Variants in SPTA1 observed in about 807,000 individuals in gnomAD.
SPTA1 encodes the protein spectrin alpha chain, erythrocytic 1.
Under a neutral mutation model 324.7 loss-of-function variants are expected in SPTA1, and 177 were observed. The ratio of observed to expected loss-of-function variants is 0.55; its 90% CI spans 0.48 to 0.62. The LOEUF (loss-of-function observed/expected upper bound fraction) is 0.62. Ranked by LOEUF, SPTA1 falls within the 20% of genes least tolerant of loss-of-function variation. The pLI, the probability that SPTA1 is intolerant of heterozygous loss-of-function variation, is 0.00. For missense variants in SPTA1, 3,162 were observed against 2,883.6 expected, an observed-to-expected ratio of 1.10 and a Z score of -2.21; for synonymous variants, 1,195 against 1,041.3, an observed-to-expected ratio of 1.15 and a Z score of -2.84.
intron 20 of SPTA1, among the ~76,000 whole-genome samples, chr1:158,655,649 C>G (rs774128845): frequency 1.6e-4 from 24 of 152,174 alleles, no homozygotes; most frequent in Non-Finnish European, 2.6e-4. Context: ...TTTGTTTACT[C>G]TGAATGTGTG....
At chr1:158,664,370 C>A (rs143709349) in intron 16 of SPTA1, among the ~76,000 whole-genome samples, 11,702 of 152,120 alleles carry the variant, frequency 0.077, 1,542 homozygotes, top group African/African-American at 0.27. Context: ...GAGTTCATGT[C>A]CTTTGCAGGG....
intron 44 of SPTA1, 69 bp from the exon 45 acceptor site, chr1:158,619,403 T>C: frequency 6.8e-7 from 1 of 1,472,766 alleles, no homozygotes. Context: ...AGAATTGGTT[T>C]GTAGGCTTAA....
At chr1:158,614,181 A>G in intron 49 of SPTA1, 72 bp downstream of exon 49, 1 of 1,214,954 alleles carries the variant, frequency 8.2e-7, no homozygotes, top group South Asian at 1.2e-5. Flanking sequence ...AGAGTGAGAG[A>G]AACATTATTT....
rs370498187 is a variant in SPTA1, at chr1:158,672,138, C to T, written c.1409G>A (p.Arg470His). Reference protein sequence around the residue: ...ALLELWDERHRQYEQCLDFHL... With the variant: ...ALLELWDERHHQYEQCLDFHL... ...AAAGTCCAAGCACTGCTCATACTGA[C>T]GATGACGCTCGTCCCACAGTTCCAG... The change falls in exon 11 of 52, where the codon CGT becomes CAT. Residue 470 changes from arginine to histidine, a missense_variant. Transcript: ENST00000643759. The T allele has an allele frequency of 2.6e-5, 42 of 1,613,966 alleles. No individual in the cohort carries two copies. Among genetic ancestry groups the T allele is most frequent in the East Asian group, 1.3e-4 (6 of 44,884 alleles).
chr1:158,671,917 CTTT>C, intron 11 of SPTA1, 139 bp downstream of exon 11: 1 of 1,060,674 alleles, frequency 9.4e-7, no homozygotes, highest in Non-Finnish European at 1.4e-6. Context: ...CCCATCTTTT[CTTT>C]TTCTTGTGGA....
intron 17 of SPTA1, among the ~76,000 whole-genome samples, chr1:158,661,636 A>G (rs1653225590): frequency 6.6e-6 from 1 of 152,196 alleles, no homozygotes; most frequent in Non-Finnish European, 1.5e-5. Context: ...TACAACAGAT[A>G]ATGAAAACAT....
chr1:158,684,310 T>G (rs938458779), intron 2 of SPTA1, among the ~76,000 whole-genome samples: 2 of 152,100 alleles, frequency 1.3e-5, no homozygotes, highest in Non-Finnish European at 2.9e-5. Flanking sequence ...AATTGGATTT[T>G]AGTTAACCTG....
intron 3 of SPTA1, among the ~76,000 whole-genome samples, chr1:158,682,462 A>T (rs2427800): frequency 0.97 from 147,082 of 152,246 alleles, 71,232 homozygotes; most frequent in East Asian, 1. Context: ...TACAAAAGTT[A>T]ATTATACTTT....
At chr1:158,612,366 C>T (rs1166109979) in intron 51 of SPTA1, 1 of 219,194 alleles carries the variant, frequency 4.6e-6, no homozygotes, top group East Asian at 1.2e-4. Context: ...GAGATTACTT[C>T]TGGTTGTAAT....
intron 42 of SPTA1, among the ~76,000 whole-genome samples, chr1:158,625,256 T>C (rs1295349585): frequency 6.6e-6 from 1 of 152,160 alleles, no homozygotes; most frequent in Admixed American, 6.5e-5. Context: ...AAAGTACACT[T>C]TAAATCAAGA....
chr1:158,617,905 T>C, intron 46 of SPTA1, 134 bp downstream of exon 46: 1 of 895,798 alleles, frequency 1.1e-6, no homozygotes. Context: ...GAGCTTTTCC[T>C]TCTCACTCCA....
intron 43 of SPTA1, chr1:158,620,846 A>C (rs1474927057): frequency 5.8e-6 from 1 of 172,996 alleles, no homozygotes; most frequent in Admixed American, 5.8e-5. Flanking sequence ...ACATGAAAAA[A>C]AAAAAAAAAA....
chr1:158,662,853 C>T lies in SPTA1; in HGVS notation c.2313G>A (p.Leu771=), dbSNP rs755002480. ...SKDIRARQES[L]VCRFEALKEP... ...CTTTCAGAGCTTCAAATCGGCATAC[C>T]AAGGACTCTTGCCTTGCCCTTATAT... Residue 771 remains leucine, a synonymous_variant, in exon 17 of 52, where the codon TTG becomes TTA. Transcript: ENST00000643759. 4.3e-6 allele frequency: 7 copies of T among 1,613,954 alleles called. No individual in the cohort carries two copies. The highest frequency in any genetic ancestry group is 1.3e-5 in the African/African-American group (1 of 74,894).
At chr1:158,634,032 C>G (rs541402850) in intron 39 of SPTA1, among the ~76,000 whole-genome samples, 1 of 152,284 alleles carries the variant, frequency 6.6e-6, no homozygotes, top group Admixed American at 6.5e-5. Flanking sequence ...CAAGATCACA[C>G]TGATTAATTG....
intron 3 of SPTA1, 146 bp from the exon 4 acceptor site, chr1:158,681,813 A>G: frequency 9.5e-7 from 1 of 1,051,684 alleles, no homozygotes. Flanking sequence ...AAAAGAGGAA[A>G]TAGGATAGAT....
In SPTA1 at chr1:158,612,556, G is replaced by GAA. The variant is rs1553222276; in HGVS notation, c.7134+260_7134+261insTT. 1.5e-5 allele frequency: 6 copies of GAA among 387,300 alleles called. No individual in the cohort carries two copies. In the Admixed American group the frequency reaches 1.7e-4, roughly 11 times the overall value. 24.0% of individuals were successfully genotyped at this position (387,300 alleles called of 1,614,324 possible). ...CAATAAATGCTCTTTGAATTAATGA[G>GAA]GAAAAAAAAAAGAAATAGCCTTAAA... is the stretch of plus-strand genomic sequence containing the variant. On this transcript the variant is annotated intron_variant, in intron 51 of 51. Coordinates refer to ENST00000643759, the MANE Select transcript of SPTA1 (RefSeq NM_003126.4).
chr1:158,617,585 T>C lies in SPTA1; in HGVS notation c.6552A>G (p.Ser2184=). 2.5e-6 allele frequency: 4 copies of C among 1,612,966 alleles called. No homozygotes were observed. Among genetic ancestry groups the C allele is most frequent in the Non-Finnish European group, 2.5e-6 (3 of 1,178,964 alleles). The change falls in exon 47 of 52, where the codon TCA becomes TCG. Residue 2184 remains serine (S), a synonymous_variant. Transcript: ENST00000643759. The stretch of plus-strand genomic sequence containing the variant: ...CCAGAGTTCCTGTTTCTTTGAGCAA[T>C]GATCTAGTTAAGAACCGAAGGAAAT... The part of the protein sequence containing the change: ...LETRAYFLDG[S]LLKETGTLES...
intron 35 of SPTA1, chr1:158,639,222 T>G: frequency 3.6e-6 from 1 of 277,516 alleles, no homozygotes; most frequent in Non-Finnish European, 7.0e-6. Context: ...CATGCCCCCA[T>G]CTGATTTTTT....
At chr1:158,618,238 G>A (rs1352986009) in intron 45 of SPTA1, 182 bp from the exon 46 acceptor site, 6 of 640,698 alleles carry the variant, frequency 9.4e-6, no homozygotes, top group Non-Finnish European at 1.4e-5. Flanking sequence ...GAGAAGATCA[G>A]AGTCTCCCAT....
Sources: allele counts gnomAD v4.1 joint callset (sites outside exome capture counted in the v4.1 genomes callset), GRCh38; gene constraint gnomAD v4.1.1; transcripts MANE v1.5; gene names NCBI Gene and HGNC (gene_info 2026-07-23, HGNC 2026-07-21).